The following CCDC171 variants were observed in gnomAD, a reference collection of about 807,000 sequenced individuals.
CCDC171 encodes the protein coiled-coil domain containing 171.
In CCDC171, 177 loss-of-function variants were observed where a neutral mutation model predicts 168.2. The ratio of observed to expected loss-of-function variants is 1.05; its 90% confidence interval spans 0.93 to 1.19. The LOEUF is 1.19. CCDC171 is among the 50% of genes most tolerant of loss of function. The pLI is 0.00. For missense variants in CCDC171, 1,991 were observed against 1,539.0 expected (o/e 1.29, Z -4.91); for synonymous variants, 687 against 540.8 (o/e 1.27, Z -3.75).
At chr9:15,630,671 C>T (rs1439071666) in intron 7 of CCDC171, among the ~76,000 whole-genome samples, 5 of 152,168 alleles carry the variant, frequency 3.3e-5, no homozygotes, top group African/African-American at 4.8e-5. Flanking sequence ...CTGCACCAAG[C>T]AGACCTAATA....
chr9:16,097,181 A>T, the CCDC171 span, among the ~76,000 whole-genome samples: 2 of 152,170 alleles, frequency 1.3e-5, no homozygotes. Context: ...CTGGAACCCC[A>T]GGTGTCAAGG....
intron 10 of CCDC171, among the ~76,000 whole-genome samples, chr9:15,680,511 G>C (rs561939208): frequency 6.6e-6 from 1 of 152,278 alleles, no homozygotes; most frequent in South Asian, 2.1e-4. Flanking sequence ...ATAGGATATA[G>C]TTAAAACTCT....
chr9:15,564,568 C>G (rs1353222024), intron 2 of CCDC171, among the ~76,000 whole-genome samples: 1 of 152,224 alleles, frequency 6.6e-6, no homozygotes, highest in Middle Eastern at 3.2e-3. Context: ...CGCTTCCTTA[C>G]TTGGTATCTC....
the CCDC171 span, among the ~76,000 whole-genome samples, chr9:16,074,329 T>C: frequency 6.6e-6 from 1 of 152,212 alleles, no homozygotes; most frequent in African/African-American, 2.4e-5. Context: ...TTACTGGCAT[T>C]TTAGTGAAGT....
intron 18 of CCDC171, among the ~76,000 whole-genome samples, chr9:15,752,211 C>T (rs550029079): frequency 3.3e-5 from 5 of 152,310 alleles, no homozygotes; most frequent in East Asian, 3.9e-4. Flanking sequence ...GAGTTACCAT[C>T]GCACACCAGT....
rs199692729 is a variant in CCDC171, at chr9:15,779,020, A to C, written c.2951A>C (p.His984Pro). The C allele has an allele frequency of 1.9e-6, 3 of 1,590,952 alleles. No homozygotes were observed. The East Asian group carries it at 6.8e-5, about 36-fold the overall frequency. The change falls in exon 20 of 26, where the codon CAT becomes CCT. Residue 984 changes from histidine (H) to proline (P), a missense_variant. His to Pro is a moderately conservative substitution (Grantham distance 77). Transcript: ENST00000380701. ...KQILGFTQRLHAAEVERRSLR... is the reference protein window; with the variant it reads ...KQILGFTQRLPAAEVERRSLR... Reference sequence around the variant, plus strand: ...ATACTTGGATTTACACAAAGACTGCATGCTGCAGAAGTGGAGCGCCGCTCA... The same window carrying C: ...ATACTTGGATTTACACAAAGACTGCCTGCTGCAGAAGTGGAGCGCCGCTCA...
At chr9:15,684,378 GT>G (rs1261076029) in intron 10 of CCDC171, among the ~76,000 whole-genome samples, 1 of 151,118 alleles carries the variant, frequency 6.6e-6, no homozygotes, top group Non-Finnish European at 1.5e-5. Context: ...TTTTAAACCT[GT>G]TTGTTTTTTC....
intron 24 of CCDC171, among the ~76,000 whole-genome samples, chr9:15,898,386 G>C (rs1821178180): frequency 6.6e-6 from 1 of 152,140 alleles, no homozygotes; most frequent in Non-Finnish European, 1.5e-5. Context: ...AGGCTGCAGA[G>C]GGTCTCAGAA....
intron 24 of CCDC171, among the ~76,000 whole-genome samples, chr9:15,916,083 G>A (rs1000331232): frequency 6.6e-6 from 1 of 151,722 alleles, no homozygotes; most frequent in Non-Finnish European, 1.5e-5. Flanking sequence ...ATAATAAATA[G>A]TAACTTTTAT....
At chr9:15,933,220 C>T (rs200127810) in intron 25 of CCDC171, among the ~76,000 whole-genome samples, 1 of 151,916 alleles carries the variant, frequency 6.6e-6, no homozygotes, top group East Asian at 1.9e-4. Flanking sequence ...CCATCAGGTC[C>T]TGAACTTTTC....
intron 21 of CCDC171, among the ~76,000 whole-genome samples, chr9:15,794,483 A>G (rs2058451542): frequency 6.8e-6 from 1 of 146,118 alleles, no homozygotes; most frequent in Non-Finnish European, 1.5e-5. Flanking sequence ...CCCCCCACCA[A>G]AAAAAAGAAA....
intron 18 of CCDC171, among the ~76,000 whole-genome samples, chr9:15,773,983 C>T (rs1044829661): frequency 3.9e-5 from 6 of 152,056 alleles, no homozygotes; most frequent in Admixed American, 2.6e-4. Flanking sequence ...CGGTGGCTCA[C>T]GCCTGTAATC....
At chr9:15,839,743 A>G (rs2060595227) in intron 21 of CCDC171, among the ~76,000 whole-genome samples, 1 of 152,208 alleles carries the variant, frequency 6.6e-6, no homozygotes, top group African/African-American at 2.4e-5. Context: ...TGTGTACAAG[A>G]AAATATGTGG....
intron 4 of CCDC171, among the ~76,000 whole-genome samples, chr9:15,586,387 G>C (rs766810668): frequency 1.4e-4 from 21 of 152,320 alleles, no homozygotes; most frequent in Middle Eastern, 3.4e-3. Flanking sequence ...ACAATGGAGA[G>C]AACAGGGGGT....
intron 6 of CCDC171, among the ~76,000 whole-genome samples, chr9:15,609,539 C>G (rs191453139): frequency 1.1e-4 from 16 of 152,244 alleles, no homozygotes; most frequent in Admixed American, 9.2e-4. Context: ...TTTTGTTTTT[C>G]CAAATAGATA....
intron 1 of CCDC171, among the ~76,000 whole-genome samples, chr9:16,043,185 C>CATAGT (rs1405533945): frequency 1.3e-5 from 2 of 152,172 alleles, no homozygotes; most frequent in Non-Finnish European, 2.9e-5. Flanking sequence ...TGTTCACTAT[C>CATAGT]ATAGTATATA....
chr9:16,012,535 T>C (rs1461655706), intron 3 of CCDC171, among the ~76,000 whole-genome samples: 1 of 143,360 alleles, frequency 7.0e-6, no homozygotes, highest in Non-Finnish European at 1.6e-5. Context: ...CTCCATATTT[T>C]CTATTGAATT....
intron 25 of CCDC171, among the ~76,000 whole-genome samples, chr9:15,932,775 C>T (rs550402461): frequency 2.6e-5 from 4 of 151,908 alleles, no homozygotes; most frequent in African/African-American, 9.6e-5. Context: ...GAGGTACATA[C>T]CTTCTATTCC....
intron 3 of CCDC171, among the ~76,000 whole-genome samples, chr9:15,990,284 T>TAAGG (rs1554708727): frequency 6.6e-5 from 10 of 151,306 alleles, no homozygotes; most frequent in Admixed American, 5.3e-4. Context: ...TCAACATTCT[T>TAAGG]AAAAGAATTT....
Sources: gnomAD v4.1 joint callset for allele counts (sites outside exome capture counted in the v4.1 genomes callset) on GRCh38, gnomAD v4.1.1 for gene constraint, MANE v1.5 for transcripts, NCBI Gene and HGNC (gene_info 2026-07-23, HGNC 2026-07-21) for gene names.